The following HELLS variants were observed in gnomAD, a reference collection of about 807,000 sequenced individuals.
The protein encoded by HELLS is helicase, lymphoid specific, also known as lymphoid-specific helicase.
HELLS carries 32 observed loss-of-function variants against 120.0 expected under a neutral mutation model. The ratio of observed to expected loss-of-function variants is 0.27; its 90% CI spans 0.20 to 0.36. The LOEUF is 0.36. HELLS is among the 10% of genes least tolerant of loss of function. The pLI is 1.00. For missense variants in HELLS, 650 were observed against 993.4 expected (o/e 0.65, Z 4.65); for synonymous variants, 341 against 323.4 (o/e 1.05, Z -0.58).
intron 7 of HELLS, among the ~76,000 whole-genome samples, chr10:94,571,809 A>C (rs1425938952): frequency 6.6e-6 from 1 of 152,190 alleles, no homozygotes; most frequent in Non-Finnish European, 1.5e-5. Flanking sequence ...TAAGTTTCTT[A>C]AAAGTTCTGT....
intron 2 of HELLS, among the ~76,000 whole-genome samples, chr10:94,549,664 C>G (rs751276621): frequency 1.3e-5 from 2 of 152,080 alleles, no homozygotes; most frequent in East Asian, 1.9e-4. Flanking sequence ...TTTCTGCCCT[C>G]GGTGTCCATT....
At chr10:94,602,706 T>G (rs1846076876), downstream of HELLS, among the ~76,000 whole-genome samples, 1 of 152,230 alleles carries the variant, frequency 6.6e-6, no homozygotes, top group South Asian at 2.1e-4. Context: ...TTTAAATTTT[T>G]ATTTTAATCG....
intron 4 of HELLS, among the ~76,000 whole-genome samples, chr10:94,559,604 C>G (rs896395043): frequency 6.6e-6 from 1 of 151,876 alleles, no homozygotes; most frequent in Non-Finnish European, 1.5e-5. Context: ...CGCCACCATG[C>G]CTGGCTAATT....
chr10:94,547,373 A>C (rs1343974487), intron 2 of HELLS, among the ~76,000 whole-genome samples: 1 of 152,220 alleles, frequency 6.6e-6, no homozygotes, highest in Non-Finnish European at 1.5e-5. Context: ...ATTTCAACTC[A>C]GGCTGCCTGC....
chr10:94,591,685 T>A (rs1181975922), intron 15 of HELLS, among the ~76,000 whole-genome samples: 1 of 152,188 alleles, frequency 6.6e-6, no homozygotes, highest in Non-Finnish European at 1.5e-5. Flanking sequence ...AGGGCAAAAT[T>A]GTCCCCATTT....
chr10:94,552,585 A>C (rs1589699900), intron 2 of HELLS, among the ~76,000 whole-genome samples: 1 of 152,268 alleles, frequency 6.6e-6, no homozygotes, highest in Admixed American at 6.5e-5. Flanking sequence ...TCTGTAGTAT[A>C]AATCAGACTT....
intron 6 of HELLS, among the ~76,000 whole-genome samples, chr10:94,564,487 C>T (rs1239009211): frequency 2.0e-5 from 3 of 152,196 alleles, no homozygotes; most frequent in African/African-American, 7.2e-5. Flanking sequence ...AAACTGAAAT[C>T]ATATGCTCTT....
intron 6 of HELLS, among the ~76,000 whole-genome samples, chr10:94,566,717 G>A (rs1425787302): frequency 2.7e-5 from 4 of 150,816 alleles, no homozygotes; most frequent in Non-Finnish European, 4.4e-5. Flanking sequence ...TGGTGATCTC[G>A]GCTCACTGCA....
chr10:94,575,098 ATTTTTTT>A (rs570447113), intron 9 of HELLS, among the ~76,000 whole-genome samples: 154 of 121,788 alleles, frequency 1.3e-3, no homozygotes, highest in African/African-American at 2.0e-3. Context: ...ACCTTCTGCA[ATTTTTTT>A]TTTTTTTTTT....
In HELLS at chr10:94,562,958, T is replaced by A; in HGVS notation, c.435+82T>A. 3.8e-6 allele frequency: 3 copies of A among 791,074 alleles called. No homozygotes were observed. The South Asian group carries it at 5.2e-5, about 14-fold the overall frequency. 49.0% of individuals were successfully genotyped at this position (791,074 alleles called of 1,614,324 possible). On this transcript the variant is annotated intron_variant, in intron 6 of 21. Transcript: ENST00000348459. ...TAAACCACCTTAAATCTGTAAAGAT[T>A]GAATATTCAATATCACATGAAATAT...
At position 94,586,208 on chromosome 10, in the gene HELLS, C is replaced by T. The variant is rs560796747; in HGVS notation, c.1327-2021C>T. Among the ~76,000 whole-genome samples the T allele has an allele frequency of 9.1e-4, 139 of 152,064 alleles. 1 individual carries two copies. Among genetic ancestry groups the T allele is most frequent in the African/African-American group, 3.2e-3 (133 of 41,482 alleles). Reference sequence around the variant, plus strand: ...CAATCTCGGCTCACTGCAAGCTGCACCTCCCGGGTTCACGCTATTCTCCTG... The same window carrying T: ...CAATCTCGGCTCACTGCAAGCTGCATCTCCCGGGTTCACGCTATTCTCCTG... On this transcript the variant is annotated intron_variant, in intron 12 of 21. Transcript: ENST00000348459.
chr10:94,606,060 CTT>C (rs1166949716), downstream of HELLS, among the ~76,000 whole-genome samples: 1 of 131,324 alleles, frequency 7.6e-6, no homozygotes, highest in African/African-American at 2.8e-5. Flanking sequence ...TGGTATGGGT[CTT>C]TTTTTTTTTT....
rs367688405 is a variant in HELLS, at chr10:94,562,808, A to G, written c.371-4A>G. 1.0e-5 allele frequency: 16 copies of G among 1,548,346 alleles called. No homozygotes were observed. In the South Asian group the frequency reaches 1.4e-4, roughly 14 times the overall value. On this transcript the variant is annotated splice_region_variant and splice_polypyrimidine_tract_variant and intron_variant, in intron 5 of 21. Transcript: ENST00000348459. ...GCTATCAAAAATAAAATTTTTTTTT[A>G]TAGTTATGAGGAAAAAAAGAGGAAG...
At chr10:94,567,726 C>A (rs911123917) in intron 6 of HELLS, among the ~76,000 whole-genome samples, 1 of 151,910 alleles carries the variant, frequency 6.6e-6, no homozygotes, top group Non-Finnish European at 1.5e-5. Context: ...GGCAACATGG[C>A]GAAATCCTGT....
At chr10:94,595,393 A>G (rs1845692399) in intron 19 of HELLS, among the ~76,000 whole-genome samples, 1 of 152,188 alleles carries the variant, frequency 6.6e-6, no homozygotes, top group African/African-American at 2.4e-5. Context: ...GTCAAGGATA[A>G]CTACATGTTC....
In HELLS at chr10:94,593,564, G is replaced by T. The variant is rs759859756; in HGVS notation, c.2037G>T (p.Leu679=). The T allele has an allele frequency of 1.9e-6, 3 of 1,613,506 alleles. No individual in the cohort carries two copies. The highest frequency in any genetic ancestry group is 2.5e-6 in the Non-Finnish European group (3 of 1,179,474). The part of the protein sequence containing the change: ...IFLVSTRAGG[L]GINLTAADTV... ...TAGTGAGTACACGAGCTGGTGGCCT[G>T]GGCATTAATCTGACTGCAGCAGATA... is the stretch of plus-strand genomic sequence containing the variant. Residue 679 remains leucine (L), a synonymous_variant, in exon 18 of 22, where the codon CTG becomes CTT. Transcript: ENST00000348459.
chr10:94,546,247 T>A (rs373838796), intron 1 of HELLS, 130 bp from the exon 2 acceptor site: 1 of 1,080,890 alleles, frequency 9.3e-7, no homozygotes, highest in Admixed American at 2.0e-5. Context: ...TGAGAGGTGA[T>A]GCTGGCGTCC....
At chr10:94,565,454 C>T (rs1245863115) in intron 6 of HELLS, among the ~76,000 whole-genome samples, 1 of 152,178 alleles carries the variant, frequency 6.6e-6, no homozygotes, top group Non-Finnish European at 1.5e-5. Context: ...CTTTGGGAGG[C>T]CAAGGTGGGA....
At chr10:94,601,026 A>T (rs1846011166) in intron 21 of HELLS, among the ~76,000 whole-genome samples, 1 of 152,220 alleles carries the variant, frequency 6.6e-6, no homozygotes, top group African/African-American at 2.4e-5. Context: ...GGATGATTAG[A>T]AATCAGTAAT....
Sources: gnomAD v4.1 joint callset for allele counts (sites outside exome capture counted in the v4.1 genomes callset) on GRCh38, gnomAD v4.1.1 for gene constraint, MANE v1.5 for transcripts, NCBI Gene and HGNC (gene_info 2026-07-23, HGNC 2026-07-21) for gene names.